MAP4K4: variants seen among roughly 807,000 people sequenced by gnomAD.
MAP4K4 encodes the protein mitogen-activated protein kinase kinase kinase kinase 4.
In MAP4K4, 38 loss-of-function variants were observed where a neutral mutation model predicts 189.6. The observed-to-expected ratio is 0.20, with a 90% CI of 0.15 to 0.26. The LOEUF is 0.26. MAP4K4 is among the 10% of genes least tolerant of loss of function. MAP4K4 has a pLI of 1.00. For missense variants in MAP4K4, 1,054 were observed against 1,726.9 expected, an observed-to-expected ratio of 0.61 and a Z score of 6.91; for synonymous variants, 610 against 624.3, an observed-to-expected ratio of 0.98 and a Z score of 0.34.
At chr2:101,837,807 A>G (rs1220593414) in intron 9 of MAP4K4, among the ~76,000 whole-genome samples, 2 of 152,178 alleles carry the variant, frequency 1.3e-5, no homozygotes, top group Non-Finnish European at 1.5e-5. Flanking sequence ...CATTAGCTAC[A>G]GTTCTGTATT....
intron 3 of MAP4K4, among the ~76,000 whole-genome samples, chr2:101,794,873 A>G (rs958090512): frequency 6.6e-6 from 1 of 152,164 alleles, no homozygotes; most frequent in Non-Finnish European, 1.5e-5. Context: ...ATTGTTTTGT[A>G]AAGTATCCTG....
intron 28 of MAP4K4, 116 bp downstream of exon 28, chr2:101,882,801 C>A: frequency 9.8e-7 from 1 of 1,025,446 alleles, no homozygotes; most frequent in Non-Finnish European, 1.4e-6. Flanking sequence ...GTTTCTGAAA[C>A]ACGTGGATCA....
chr2:101,805,976 A>G (rs1202076700), intron 3 of MAP4K4, among the ~76,000 whole-genome samples: 1 of 152,108 alleles, frequency 6.6e-6, no homozygotes, highest in Non-Finnish European at 1.5e-5. Flanking sequence ...AAGATGGTGT[A>G]GGTTTGGGGT....
chr2:101,827,561 A>C (rs1367793203), intron 5 of MAP4K4, among the ~76,000 whole-genome samples: 1 of 152,126 alleles, frequency 6.6e-6, no homozygotes, highest in Non-Finnish European at 1.5e-5. Flanking sequence ...ATTTCTCACT[A>C]GATGTTGGAT....
At chr2:101,729,696 C>T (rs2057520509) in intron 2 of MAP4K4, among the ~76,000 whole-genome samples, 1 of 152,210 alleles carries the variant, frequency 6.6e-6, no homozygotes, top group African/African-American at 2.4e-5. Flanking sequence ...ACTATGTCTA[C>T]ACCCCTCCAG....
At chr2:101,842,486 A>C (rs1458697166) in intron 10 of MAP4K4, 123 bp from the exon 11 acceptor site, 8 of 630,468 alleles carry the variant, frequency 1.3e-5, no homozygotes, top group Admixed American at 1.1e-4. Flanking sequence ...TCCTCTATAC[A>C]AGTTGCTGTT....
intron 3 of MAP4K4, among the ~76,000 whole-genome samples, chr2:101,821,581 A>G (rs2096059333): frequency 6.6e-6 from 1 of 152,248 alleles, no homozygotes; most frequent in Non-Finnish European, 1.5e-5. Flanking sequence ...AGCTCTGACC[A>G]TTAATGGAGC....
chr2:101,829,050 G>A (rs1422007527), intron 5 of MAP4K4, among the ~76,000 whole-genome samples: 3 of 152,198 alleles, frequency 2.0e-5, no homozygotes, highest in African/African-American at 7.2e-5. Flanking sequence ...ACTGTGCAGT[G>A]GGAAGGCTAG....
At chr2:101,765,187 TAA>T (rs541698496) in intron 2 of MAP4K4, among the ~76,000 whole-genome samples, 2 of 142,154 alleles carry the variant, frequency 1.4e-5, no homozygotes, top group Admixed American at 7.0e-5. Context: ...AGAAACAAGC[TAA>T]AAAAAAAAAA....
chr2:101,819,282 A>C (rs908314278), intron 3 of MAP4K4, among the ~76,000 whole-genome samples: 1 of 152,224 alleles, frequency 6.6e-6, no homozygotes, highest in East Asian at 1.9e-4. Context: ...TTTAATAACC[A>C]AAGGGAGACT....
At chr2:101,810,982 C>T (rs941036554) in intron 3 of MAP4K4, among the ~76,000 whole-genome samples, 3 of 152,156 alleles carry the variant, frequency 2.0e-5, no homozygotes, top group Non-Finnish European at 4.4e-5. Flanking sequence ...GTGAGGCTGC[C>T]AATTTATACT....
At chr2:101,784,478 A>G (rs1437840641) in intron 2 of MAP4K4, among the ~76,000 whole-genome samples, 1 of 152,142 alleles carries the variant, frequency 6.6e-6, no homozygotes, top group East Asian at 1.9e-4. Context: ...ATTTCAGGTA[A>G]TTAATCTCTG....
At chr2:101,877,951 A>T (rs1209650593) in intron 27 of MAP4K4, among the ~76,000 whole-genome samples, 1 of 152,068 alleles carries the variant, frequency 6.6e-6, no homozygotes, top group Non-Finnish European at 1.5e-5. Context: ...GGGTTTCACC[A>T]TGTTAGCCAG....
intron 3 of MAP4K4, among the ~76,000 whole-genome samples, chr2:101,807,342 T>C (rs548200781): frequency 7.9e-5 from 12 of 152,170 alleles, no homozygotes; most frequent in Admixed American, 3.9e-4. Context: ...GCTAAGATTA[T>C]AGGTATGAGC....
intron 2 of MAP4K4, among the ~76,000 whole-genome samples, chr2:101,721,526 C>T (rs368918575): frequency 6.6e-6 from 1 of 151,548 alleles, no homozygotes; most frequent in Non-Finnish European, 1.5e-5. Context: ...GCCTCCGCCT[C>T]CCGGGTTCAA....
intron 12 of MAP4K4, among the ~76,000 whole-genome samples, chr2:101,848,714 T>C (rs1471002564): frequency 2.6e-5 from 4 of 152,088 alleles, no homozygotes; most frequent in Non-Finnish European, 4.4e-5. Context: ...TTAAGAAATA[T>C]GTACACTCCC....
chr2:101,841,942 T>C (rs1452342666), intron 10 of MAP4K4, among the ~76,000 whole-genome samples: 1 of 152,236 alleles, frequency 6.6e-6, no homozygotes, highest in Non-Finnish European at 1.5e-5. Flanking sequence ...GAAAACTGTC[T>C]AAAACCTGTA....
At chr2:101,754,580 A>C (rs2071259756) in intron 2 of MAP4K4, among the ~76,000 whole-genome samples, 1 of 152,108 alleles carries the variant, frequency 6.6e-6, no homozygotes, top group Non-Finnish European at 1.5e-5. Flanking sequence ...TCTTGAACTC[A>C]TGACCTTAGG....
rs544183689 is a variant in MAP4K4 at position 101,802,265 on chromosome 2, C to T, written c.180+11489C>T. On this transcript the variant is annotated intron_variant, in intron 3 of 32. Coordinates refer to ENST00000324219, the Ensembl canonical transcript of MAP4K4. ...TCTGTTGCTTAGATTTCTACCATAG[C>T]CTCTATCACGAGCCTCCTGCCTCCA... 2.9e-3 allele frequency among the ~76,000 whole-genome samples: 447 copies of T among 152,296 alleles called. 2 individuals carry two copies. Among genetic ancestry groups the T allele is most frequent in the Middle Eastern group, 0.01 (3 of 294 alleles).
Sources: gnomAD v4.1 joint callset for allele counts (sites outside exome capture counted in the v4.1 genomes callset) on GRCh38, gnomAD v4.1.1 for gene constraint, MANE v1.5 for transcripts, NCBI Gene and HGNC (gene_info 2026-07-23, HGNC 2026-07-21) for gene names.